PAXIP1: variants seen among roughly 807,000 people sequenced by gnomAD.
PAXIP1 encodes the protein PAX-interacting protein 1.
Under a neutral mutation model 140.6 loss-of-function variants are expected in PAXIP1, and 19 were observed. That is an observed-to-expected ratio of 0.14 (90% CI 0.09 to 0.20). The LOEUF is 0.20. PAXIP1 is among the 10% of genes least tolerant of loss of function. The pLI, the probability that PAXIP1 is intolerant of heterozygous loss-of-function variation, is 1.00. For missense variants in PAXIP1, 920 were observed against 1,208.6 expected (o/e 0.76, Z 3.54); for synonymous variants, 442 against 444.6 (o/e 0.99, Z 0.07).
intron 1 of PAXIP1, among the ~76,000 whole-genome samples, chr7:155,002,471 G>A (rs779399934): frequency 2.0e-5 from 3 of 152,028 alleles, no homozygotes; most frequent in Non-Finnish European, 4.4e-5. Flanking sequence ...CTGCTCTCCC[G>A]GGAGCCGAGA....
intron 2 of PAXIP1, among the ~76,000 whole-genome samples, chr7:154,997,848 G>A (rs559008699): frequency 1.3e-5 from 2 of 152,332 alleles, no homozygotes; most frequent in East Asian, 1.9e-4. Flanking sequence ...AATGGGGGAC[G>A]CCCTTCAGCT....
At chr7:154,967,773 G>C (rs1809088849) in intron 8 of PAXIP1, 43 bp downstream of exon 8, 1 of 1,329,760 alleles carries the variant, frequency 7.5e-7, no homozygotes, top group Admixed American at 1.7e-5. Context: ...TAAGAAAGAA[G>C]CATCTTCAGA....
At chr7:155,003,255 G>GC (rs75599696), upstream of PAXIP1, among the ~76,000 whole-genome samples, 97,154 of 151,178 alleles carry the variant, frequency 0.64, 31,618 homozygotes, top group African/African-American at 0.74. Flanking sequence ...GGTAGCTGGC[G>GC]CCGGCAGCCC....
chr7:154,971,501 G>A (rs957621695), intron 6 of PAXIP1, among the ~76,000 whole-genome samples: 1 of 152,222 alleles, frequency 6.6e-6, no homozygotes, highest in African/African-American at 2.4e-5. Context: ...CCATCGAGAT[G>A]CCTCCCAAAA....
chr7:154,976,255 T>G lies in PAXIP1; in HGVS notation c.515A>C (p.Glu172Ala). The G allele has an allele frequency of 6.2e-7, 1 of 1,614,024 alleles. No homozygotes were observed. The highest frequency in any genetic ancestry group is 8.5e-7 in the Non-Finnish European group (1 of 1,179,900). ...AAATGCTTCGTCCTTTTTGGTTTTC[T>G]CTGATACGCAATCCAGAACCCAGTC... ...TPDWVLDCVS[E>A]KTKKDEAFYH... The change falls in exon 6 of 21, where the codon GAG becomes GCG. Residue 172 changes from glutamate to alanine, a missense_variant. Transcript: ENST00000404141.
intron 3 of PAXIP1, among the ~76,000 whole-genome samples, chr7:154,992,968 C>T (rs1202235118): frequency 6.6e-6 from 1 of 152,216 alleles, no homozygotes; most frequent in Admixed American, 6.5e-5. Flanking sequence ...AAATAGAGCA[C>T]ATGACATAAT....
intron 2 of PAXIP1, among the ~76,000 whole-genome samples, chr7:154,996,147 G>A (rs1349993672): frequency 1.3e-5 from 2 of 152,134 alleles, no homozygotes; most frequent in Non-Finnish European, 2.9e-5. Context: ...TCAACTATTA[G>A]CAGCAGGATC....
chr7:154,992,253 A>G (rs945734918), intron 3 of PAXIP1, among the ~76,000 whole-genome samples: 2 of 152,170 alleles, frequency 1.3e-5, no homozygotes, highest in African/African-American at 2.4e-5. Context: ...TAAGAGCTCA[A>G]AGAAGATCCC....
chr7:154,950,693 G>A (rs1310718309), intron 16 of PAXIP1: 1 of 152,230 alleles, frequency 6.6e-6, no homozygotes, highest in Non-Finnish European at 1.5e-5. Context: ...TGTTTTAGCA[G>A]CTTTACTGCT....
chr7:154,948,134 A>G, intron 16 of PAXIP1, 131 bp from the exon 17 acceptor site: 2 of 684,226 alleles, frequency 2.9e-6, no homozygotes, highest in Non-Finnish European at 5.3e-6. Context: ...GCCTTCGGAT[A>G]TTTAAATGTC....
intron 13 of PAXIP1, 81 bp from the exon 14 acceptor site, chr7:154,957,375 TAATC>T: frequency 1.4e-6 from 1 of 697,490 alleles, no homozygotes; most frequent in Non-Finnish European, 2.4e-6. Flanking sequence ...ATGTGTCAAA[TAATC>T]AAACTACTTA....
At chr7:154,961,165 TA>T in intron 11 of PAXIP1, 88 bp from the exon 12 acceptor site, 1 of 1,127,806 alleles carries the variant, frequency 8.9e-7, no homozygotes, top group Admixed American at 3.1e-5. Context: ...CAAAAGGCAA[TA>T]AAAAATTTCT....
rs1278408179 is a variant in PAXIP1, at chr7:154,946,332, G to A, written c.3194+33C>T. 2.2e-5 allele frequency: 36 copies of A among 1,613,352 alleles called. No individual in the cohort carries two copies. Among genetic ancestry groups the A allele is most frequent in the Non-Finnish European group, 2.9e-5 (34 of 1,179,434 alleles). On this transcript the variant is annotated intron_variant, in intron 20 of 20. Coordinates refer to ENST00000404141, the MANE Select transcript of PAXIP1 (RefSeq NM_007349.4). The surrounding 1 kb of genome is among the most constrained non-coding windows in gnomAD (Gnocchi z 4.9). ...GGGAAATCCATTTCATATCTAACCC[G>A]TCTACTTTTTAATTCTCTTTTGGAA...
intron 4 of PAXIP1, among the ~76,000 whole-genome samples, chr7:154,984,990 T>C (rs1810005999): frequency 6.6e-6 from 1 of 152,146 alleles, no homozygotes; most frequent in South Asian, 2.1e-4. Context: ...GACCTGGCAT[T>C]AATACGACGC....
rs779262380 is a variant in PAXIP1, at chr7:154,961,554, C to T, written c.2222G>A (p.Arg741His). The part of the protein sequence containing the change: ...AGAKYTGYLC[R>H]SNTVLICKEP... ...TTTACAGATGAGGACTGTGTTGCTG[C>T]GGCATAGATAACCCGTATATTTGGC... Residue 741 changes from arginine to histidine, a missense_variant, in exon 11 of 21, where the codon CGC becomes CAC. Around this residue, in one of 5 missense-constraint regions of PAXIP1, gnomAD observed 303 missense variants for 517.9 expected, o/e 0.59. Transcript: ENST00000404141. 2.7e-5 allele frequency: 44 copies of T among 1,606,588 alleles called. No individual in the cohort carries two copies. The highest frequency in any genetic ancestry group is 4.0e-5 in the African/African-American group (3 of 74,814).
chr7:154,953,175 G>A (rs906642551), intron 16 of PAXIP1, among the ~76,000 whole-genome samples: 5 of 152,096 alleles, frequency 3.3e-5, no homozygotes, highest in African/African-American at 4.8e-5. Context: ...ACCTAGTAGC[G>A]CCCCCTGCAG....
chr7:154,993,508 G>A (rs1277340275), intron 3 of PAXIP1, among the ~76,000 whole-genome samples: 1 of 152,164 alleles, frequency 6.6e-6, no homozygotes, highest in African/African-American at 2.4e-5. Context: ...CCGGCCTAGA[G>A]TTACTTGTCA....
intron 8 of PAXIP1, among the ~76,000 whole-genome samples, chr7:154,967,069 G>A (rs1404913248): frequency 6.6e-6 from 1 of 152,136 alleles, no homozygotes; most frequent in Non-Finnish European, 1.5e-5. Flanking sequence ...ATGGGTGAAG[G>A]TCCTTTCTCA....
At chr7:154,987,789 T>C (rs1303522994) in intron 4 of PAXIP1, among the ~76,000 whole-genome samples, 1 of 152,170 alleles carries the variant, frequency 6.6e-6, no homozygotes, top group African/African-American at 2.4e-5. Context: ...TCTCACTCTT[T>C]GCACCACAGC....
Sources: gnomAD v4.1 joint callset for allele counts (sites outside exome capture counted in the v4.1 genomes callset) on GRCh38, gnomAD v4.1.1 for gene constraint, gnomAD v4.1.1 regional missense constraint, Gnocchi (gnomAD v3.1) non-coding constraint, MANE v1.5 for transcripts, NCBI Gene and HGNC (gene_info 2026-07-23, HGNC 2026-07-21) for gene names.